The following BAZ2B variants were observed in gnomAD, a reference collection of about 807,000 sequenced individuals.
The protein encoded by BAZ2B is bromodomain adjacent to zinc finger domain protein 2B.
In BAZ2B, 91 loss-of-function variants were observed where a neutral mutation model predicts 246.0. The observed-to-expected ratio is 0.37, with a 90% CI of 0.31 to 0.44. BAZ2B has a LOEUF of 0.44. Ranked by LOEUF, BAZ2B falls within the 20% of genes least tolerant of loss-of-function variation. The pLI is 1.00. For missense variants in BAZ2B, 2,332 were observed against 2,533.7 expected (o/e 0.92, Z 1.71); for synonymous variants, 855 against 860.0 (o/e 0.99, Z 0.10).
At chr2:159,366,375 T>C (rs958094444) in intron 27 of BAZ2B, among the ~76,000 whole-genome samples, 1 of 152,232 alleles carries the variant, frequency 6.6e-6, no homozygotes, top group African/African-American at 2.4e-5. Context: ...TGTCGTCTTA[T>C]GTGAAAGGCA....
chr2:159,371,134 G>T (rs1366930282), intron 27 of BAZ2B, among the ~76,000 whole-genome samples: 1 of 151,718 alleles, frequency 6.6e-6, no homozygotes, highest in African/African-American at 2.4e-5. Flanking sequence ...TGTTATGTAT[G>T]TATATATGTA....
At chr2:159,318,269 A>G (rs1312000154), downstream of BAZ2B, among the ~76,000 whole-genome samples, 1 of 152,194 alleles carries the variant, frequency 6.6e-6, no homozygotes, top group Non-Finnish European at 1.5e-5. Context: ...CTGCTCTACA[A>G]AGCATTTTTG....
chr2:159,407,407 G>T (rs1224439968), intron 14 of BAZ2B, among the ~76,000 whole-genome samples: 3 of 152,236 alleles, frequency 2.0e-5, no homozygotes, highest in Non-Finnish European at 2.9e-5. Context: ...GGGAGGAAGA[G>T]GTTGCAGTGA....
At chr2:159,702,821 A>G in the BAZ2B span, among the ~76,000 whole-genome samples, 5 of 152,092 alleles carry the variant, frequency 3.3e-5, no homozygotes, top group African/African-American at 9.7e-5. Context: ...CGGGCGGATC[A>G]TGAGGTCAGG....
At chr2:159,435,357 TTTTTTAG>T (rs1228216533) in intron 8 of BAZ2B, 1 of 148,352 alleles carries the variant, frequency 6.7e-6, no homozygotes, top group Non-Finnish European at 1.5e-5. Flanking sequence ...TGTTTTTGTT[TTTTTTAG>T]TTTTTTTTTT....
At chr2:159,389,548 G>T in intron 20 of BAZ2B, 63 bp from the exon 21 acceptor site, 1 of 1,343,588 alleles carries the variant, frequency 7.4e-7, no homozygotes, top group Non-Finnish European at 9.9e-7. Flanking sequence ...AATAAACTTA[G>T]AATTATGTAG....
intron 1 of BAZ2B, among the ~76,000 whole-genome samples, chr2:159,573,273 A>G (rs1463095608): frequency 2.0e-5 from 3 of 152,222 alleles, no homozygotes; most frequent in Non-Finnish European, 4.4e-5. Context: ...CTACAAAGCT[A>G]TAGTAATCAA....
intron 27 of BAZ2B, among the ~76,000 whole-genome samples, chr2:159,360,427 A>G (rs1455894477): frequency 1.3e-5 from 2 of 152,226 alleles, no homozygotes; most frequent in Non-Finnish European, 1.5e-5. Context: ...AAGGAGAACT[A>G]TAAACCACTG....
intron 2 of BAZ2B, among the ~76,000 whole-genome samples, chr2:159,532,019 TA>T (rs1293013207): frequency 6.6e-6 from 1 of 152,244 alleles, no homozygotes; most frequent in East Asian, 1.9e-4. Context: ...TAGTTTGACA[TA>T]GTTTTCAATG....
the BAZ2B span, among the ~76,000 whole-genome samples, chr2:159,664,921 C>T: frequency 6.6e-6 from 1 of 151,328 alleles, no homozygotes; most frequent in Non-Finnish European, 1.5e-5. Context: ...GTTGCCATTG[C>T]TTTTGGTGTT....
At chr2:159,429,698 G>A (rs374438521) in intron 10 of BAZ2B, among the ~76,000 whole-genome samples, 9 of 152,116 alleles carry the variant, frequency 5.9e-5, no homozygotes, top group African/African-American at 1.9e-4. Flanking sequence ...TAAATCCATA[G>A]TCAAAAACAC....
chr2:159,526,123 C>A (rs920533568), intron 2 of BAZ2B, among the ~76,000 whole-genome samples: 1 of 151,918 alleles, frequency 6.6e-6, no homozygotes, highest in Non-Finnish European at 1.5e-5. Flanking sequence ...TACTTCCTAG[C>A]TGGTTAAACT....
chr2:159,480,556 G>C (rs547837971), intron 2 of BAZ2B, among the ~76,000 whole-genome samples: 2 of 151,888 alleles, frequency 1.3e-5, no homozygotes, highest in African/African-American at 4.8e-5. Flanking sequence ...TTAAATAAAC[G>C]CACATGCACA....
chr2:159,660,380 T>A, the BAZ2B span, among the ~76,000 whole-genome samples: 1 of 152,182 alleles, frequency 6.6e-6, no homozygotes, highest in South Asian at 2.1e-4. Flanking sequence ...AGAATTTGGG[T>A]TGTTTCCATC....
At chr2:159,346,019 T>C (rs749413679) in intron 31 of BAZ2B, among the ~76,000 whole-genome samples, 14 of 152,202 alleles carry the variant, frequency 9.2e-5, no homozygotes, top group Non-Finnish European at 1.5e-4. Context: ...CTAAATGGAA[T>C]AATTTTCATT....
the BAZ2B span, among the ~76,000 whole-genome samples, chr2:159,688,867 G>T: frequency 3.9e-5 from 6 of 152,182 alleles, no homozygotes; most frequent in East Asian, 1.2e-3. Flanking sequence ...CAGCAGAAGC[G>T]ATGTGCTCTT....
At chr2:159,707,494 C>T in the BAZ2B span, among the ~76,000 whole-genome samples, 2 of 151,986 alleles carry the variant, frequency 1.3e-5, no homozygotes, top group African/African-American at 4.8e-5. Flanking sequence ...AGTTTGAGAG[C>T]AGCCTGGCCA....
chr2:159,383,719 C>T, intron 23 of BAZ2B, 39 bp from the exon 24 acceptor site: 1 of 1,488,230 alleles, frequency 6.7e-7, no homozygotes. Flanking sequence ...GTAAATTAAT[C>T]AATTTATGCA....
intron 2 of BAZ2B, among the ~76,000 whole-genome samples, chr2:159,502,203 G>C (rs1292648751): frequency 6.6e-6 from 1 of 152,054 alleles, no homozygotes; most frequent in Non-Finnish European, 1.5e-5. Context: ...GGGTCTGTTT[G>C]GGGGATTATG....
Sources: gnomAD v4.1 joint callset for allele counts (sites outside exome capture counted in the v4.1 genomes callset) on GRCh38, gnomAD v4.1.1 for gene constraint, MANE v1.5 for transcripts, NCBI Gene and HGNC (gene_info 2026-07-23, HGNC 2026-07-21) for gene names.